Variants in EGFLAM observed in about 807,000 individuals in gnomAD.
The protein encoded by EGFLAM is pikachurin.
In EGFLAM, 79 loss-of-function variants were observed where a neutral mutation model predicts 113.1. The observed-to-expected ratio is 0.70, with a 90% CI of 0.58 to 0.84. The LOEUF (loss-of-function observed/expected upper bound fraction) is 0.84, where lower values mean the gene tolerates loss of function less well. Among genes scored for constraint, EGFLAM ranks in the 40% least tolerant of loss-of-function variants. EGFLAM has a pLI of 0.00. For synonymous variants in EGFLAM, 504 were observed against 487.6 expected, an observed-to-expected ratio of 1.03 and a Z score of -0.44; for missense variants, 1,265 against 1,291.6, an observed-to-expected ratio of 0.98 and a Z score of 0.32.
rs558689139 is a variant in EGFLAM, at chr5:38,458,124, T to G, written c.2688-187T>G. Among the ~76,000 whole-genome samples, 83 of 152,318 alleles carry G rather than the reference T, an allele frequency of 5.4e-4. 1 individual carries two copies. Among genetic ancestry groups the G allele is most frequent in the African/African-American group, 1.9e-3 (79 of 41,570 alleles). On this transcript the variant is annotated intron_variant, in intron 19 of 21. Transcript: ENST00000322350. ...TATATTTTACCATAATTTAAAAGTT[T>G]AATAATTTTTAATTTCATGAACCAG...
chr5:38,444,584 T>G (rs965609162), intron 17 of EGFLAM, among the ~76,000 whole-genome samples: 2 of 152,194 alleles, frequency 1.3e-5, no homozygotes, highest in Non-Finnish European at 2.9e-5. Flanking sequence ...GTAAAATTAT[T>G]ATGTGTCAAT....
chr5:38,259,816 T>TCACAAC (rs1297498803), intron 1 of EGFLAM, among the ~76,000 whole-genome samples: 2 of 152,242 alleles, frequency 1.3e-5, no homozygotes, highest in African/African-American at 4.8e-5. Flanking sequence ...AAGTGCAGTT[T>TCACAAC]GTCTTCACAA....
rs150976817 is a variant in EGFLAM at position 38,406,882 on chromosome 5, A to G, written c.883A>G (p.Lys295Glu). 6.2e-7 allele frequency: 1 copy of G among 1,614,004 alleles called. No homozygotes were observed. The highest frequency in any genetic ancestry group is 1.3e-5 in the African/African-American group (1 of 74,914). ...GAATAAGAAATTTTTGGTGGAAAGC[A>G]AGAAGATGTCTATATCTAACCCAAA... ...GGNKKFLVES[K>E]KMSISNPKTI... The change falls in exon 8 of 22, where the codon AAG (lysine) becomes GAG (glutamate). Residue 295 changes from lysine (K) to glutamate (E), a missense_variant. By Grantham distance (56) the Lys-to-Glu change is moderately conservative. Transcript: ENST00000322350.
chr5:38,331,728 A>G (rs1455238616), intron 1 of EGFLAM, among the ~76,000 whole-genome samples: 1 of 152,166 alleles, frequency 6.6e-6, no homozygotes, highest in Non-Finnish European at 1.5e-5. Flanking sequence ...TGAAGGAAAA[A>G]GGAAAAGCTT....
chr5:38,312,734 T>C (rs1738488711), intron 1 of EGFLAM, among the ~76,000 whole-genome samples: 1 of 152,194 alleles, frequency 6.6e-6, no homozygotes, highest in African/African-American at 2.4e-5. Context: ...ATTATTACTA[T>C]CAATTATGAA....
chr5:38,303,652 TA>T (rs1561270305), intron 1 of EGFLAM, among the ~76,000 whole-genome samples: 1 of 152,192 alleles, frequency 6.6e-6, no homozygotes, highest in African/African-American at 2.4e-5. Flanking sequence ...ATGTCAAAAA[TA>T]TTTTTTTGGG....
At chr5:38,304,517 T>C (rs1247234650) in intron 1 of EGFLAM, among the ~76,000 whole-genome samples, 1 of 152,226 alleles carries the variant, frequency 6.6e-6, no homozygotes, top group African/African-American at 2.4e-5. Context: ...TCAGACTTGT[T>C]CCTTTAGGTA....
intron 18 of EGFLAM, among the ~76,000 whole-genome samples, chr5:38,449,449 C>T (rs534719260): frequency 1.3e-5 from 2 of 152,128 alleles, no homozygotes; most frequent in African/African-American, 2.4e-5. Flanking sequence ...CAAGAGAGAC[C>T]GTCCTCCTTC....
At chr5:38,350,708 C>A in intron 4 of EGFLAM, 90 bp downstream of exon 4, 1 of 1,240,404 alleles carries the variant, frequency 8.1e-7, no homozygotes, top group Non-Finnish European at 1.2e-6. Context: ...TACTATGTGC[C>A]AAGCACTGTG....
chr5:38,400,977 A>G (rs559454650), intron 6 of EGFLAM: 2 of 152,234 alleles, frequency 1.3e-5, no homozygotes, highest in African/African-American at 2.4e-5. Flanking sequence ...TCCGTACCCT[A>G]TGTTTCCCCA....
chr5:38,409,085 C>A lies in EGFLAM; in HGVS notation c.1330C>A (p.Arg444=), dbSNP rs748075796. The A allele has an allele frequency of 6.3e-7, 1 of 1,583,990 alleles. No individual in the cohort carries two copies. The highest frequency in any genetic ancestry group is 8.6e-7 in the Non-Finnish European group (1 of 1,163,240). ...RGDFMSLAII[R]RSLQFRFNCG... ...GGATTTCATGTCCCTGGCTATCATCCGACGCTCCCTGCAGTTCAGGTAATT... is the reference window on the plus strand; with the variant it reads ...GGATTTCATGTCCCTGGCTATCATCAGACGCTCCCTGCAGTTCAGGTAATT... The change falls in exon 10 of 22, where the codon CGA becomes AGA. Residue 444 remains arginine, a synonymous_variant. Coordinates refer to ENST00000322350, the MANE Select transcript of EGFLAM (RefSeq NM_152403.4).
intron 1 of EGFLAM, among the ~76,000 whole-genome samples, chr5:38,264,294 G>T (rs1281730098): frequency 6.6e-6 from 1 of 152,178 alleles, no homozygotes; most frequent in East Asian, 1.9e-4. Flanking sequence ...TTTCCCTGGA[G>T]TATCTGGGTG....
chr5:38,435,032 C>T, intron 15 of EGFLAM, 105 bp from the exon 16 acceptor site: 1 of 889,336 alleles, frequency 1.1e-6, no homozygotes. Context: ...GGTCTCTAGG[C>T]TCTGTCTACC....
chr5:38,375,862 A>G (rs1365935210), intron 6 of EGFLAM, among the ~76,000 whole-genome samples: 1 of 152,176 alleles, frequency 6.6e-6, no homozygotes, highest in Non-Finnish European at 1.5e-5. Context: ...AGAAAAAAAA[A>G]TGACTTTAGT....
In EGFLAM at chr5:38,418,166, A is replaced by G; in HGVS notation, c.1595A>G (p.Gln532Arg). 1 of 1,614,182 alleles carries G rather than the reference A, an allele frequency of 6.2e-7. No individual in the cohort carries two copies. The highest frequency in any genetic ancestry group is 2.2e-5 in the East Asian group (1 of 44,864). Residue 532 changes from glutamine (Q) to arginine (R), a missense_variant, in exon 12 of 22, where the codon CAA becomes CGA. By Grantham distance (43) the Gln-to-Arg change is conservative. Transcript: ENST00000322350. ...VRATGTNRGFQGCVQSLAVNG... is the reference protein window; with the variant it reads ...VRATGTNRGFRGCVQSLAVNG... ...GCAACAGGGACAAACCGAGGCTTTC[A>G]AGGCTGTGTGCAGTCGCTCGCTGTG...
rs1480436793 is a variant in EGFLAM, at chr5:38,434,995, C to A, written c.2167-142C>A. ...AATGAGAAACACTGTGAAAGTGAAG[C>A]CCTTGTGTAGACAGATTGTCATGAT... is the stretch of plus-strand genomic sequence containing the variant. On this transcript the variant is annotated intron_variant, in intron 15 of 21. Coordinates refer to ENST00000322350, the MANE Select transcript of EGFLAM (RefSeq NM_152403.4). The A allele has an allele frequency of 1.1e-5, 7 of 633,492 alleles. No individual in the cohort carries two copies. The African/African-American group carries it at 1.3e-4, about 12-fold the overall frequency. 39.2% of individuals were successfully genotyped at this position (633,492 alleles called of 1,614,324 possible).
chr5:38,324,258 T>A (rs944239371), intron 1 of EGFLAM, among the ~76,000 whole-genome samples: 1 of 152,172 alleles, frequency 6.6e-6, no homozygotes, highest in African/African-American at 2.4e-5. Flanking sequence ...CCAGACCATG[T>A]GCTGTGACTT....
intron 1 of EGFLAM, among the ~76,000 whole-genome samples, chr5:38,325,468 T>G (rs926045845): frequency 1.3e-5 from 2 of 152,160 alleles, no homozygotes; most frequent in African/African-American, 4.8e-5. Flanking sequence ...AACCGAAATG[T>G]GCATGGACAA....
At chr5:38,422,307 C>T (rs1180631973) in intron 12 of EGFLAM, among the ~76,000 whole-genome samples, 2 of 152,142 alleles carry the variant, frequency 1.3e-5, no homozygotes, top group South Asian at 2.1e-4. Flanking sequence ...GCCACACCCA[C>T]CTCTCCTCCC....
Sources: allele counts gnomAD v4.1 joint callset (sites outside exome capture counted in the v4.1 genomes callset), GRCh38; gene constraint gnomAD v4.1.1; transcripts MANE v1.5; gene names NCBI Gene and HGNC (gene_info 2026-07-23, HGNC 2026-07-21).